The following EML4 variants were observed in gnomAD, a reference collection of about 807,000 sequenced individuals.
EML4 encodes the protein echinoderm microtubule-associated protein-like 4.
A neutral mutation model predicts 129.0 loss-of-function variants in EML4; 72 were observed. The observed-to-expected ratio is 0.56, with a 90% CI of 0.46 to 0.68. EML4 has a LOEUF of 0.68. Ranked by LOEUF, EML4 falls within the 30% of genes least tolerant of loss-of-function variation. The pLI, the probability that EML4 is intolerant of heterozygous loss-of-function variation, is 0.00. For synonymous variants in EML4, 532 were observed against 405.0 expected, an observed-to-expected ratio of 1.31 and a Z score of -3.77; for missense variants, 1,363 against 1,190.6, an observed-to-expected ratio of 1.14 and a Z score of -2.13.
intron 1 of EML4, among the ~76,000 whole-genome samples, chr2:42,243,493 C>G (rs552662822): frequency 6.6e-6 from 1 of 151,988 alleles, no homozygotes; most frequent in South Asian, 2.1e-4. Context: ...AACTTTTGTA[C>G]TTTGTACATA....
In EML4 at chr2:42,286,383, A is replaced by G; in HGVS notation, c.1122+4A>G. On this transcript the variant is annotated splice_donor_region_variant and intron_variant, in intron 10 of 22. Transcript: ENST00000318522. ...ATGCCTGGATTTTTCAAAAGCAGTA[A>G]GTAACAATTTTTAGAGAAGTAAGCA... The G allele has an allele frequency of 6.3e-7, 1 of 1,576,368 alleles. No homozygotes were observed. The highest frequency in any genetic ancestry group is 8.7e-7 in the Non-Finnish European group (1 of 1,145,546).
chr2:42,226,976 A>G (rs1674004795), intron 1 of EML4, among the ~76,000 whole-genome samples: 1 of 152,204 alleles, frequency 6.6e-6, no homozygotes, highest in Non-Finnish European at 1.5e-5. Context: ...ATCCCACAAA[A>G]TTTCCATGAA....
At chr2:42,263,110 G>T (rs1195634856) in intron 4 of EML4, 68 bp from the exon 5 acceptor site, 2 of 1,319,584 alleles carry the variant, frequency 1.5e-6, no homozygotes, top group Non-Finnish European at 2.1e-6. Flanking sequence ...TTTGTGTTCT[G>T]TTTAAATTGT....
At chr2:42,265,331 C>T (rs535762262) in intron 6 of EML4, among the ~76,000 whole-genome samples, 1 of 152,288 alleles carries the variant, frequency 6.6e-6, no homozygotes, top group African/African-American at 2.4e-5. Flanking sequence ...CTGCAAACTC[C>T]TGACCTCAGG....
At chr2:42,264,668 CTT>C in intron 5 of EML4, 36 bp from the exon 6 acceptor site, 1 of 1,208,724 alleles carries the variant, frequency 8.3e-7, no homozygotes, top group Non-Finnish European at 1.2e-6. Flanking sequence ...GCCATATAAA[CTT>C]ATAAAATAAA....
At chr2:42,327,562 G>T (rs1241481887) in intron 21 of EML4, among the ~76,000 whole-genome samples, 1 of 152,086 alleles carries the variant, frequency 6.6e-6, no homozygotes, top group Non-Finnish European at 1.5e-5. Context: ...GAAATACAAA[G>T]GCATTTTTAG....
At chr2:42,322,051 A>G (rs1250316371) in intron 19 of EML4, among the ~76,000 whole-genome samples, 1 of 152,258 alleles carries the variant, frequency 6.6e-6, no homozygotes, top group Non-Finnish European at 1.5e-5. Flanking sequence ...GTTCTAGTTC[A>G]TCTGAAATTT....
intron 2 of EML4, among the ~76,000 whole-genome samples, chr2:42,252,009 G>A (rs17029411): frequency 0.2 from 29,804 of 152,090 alleles, 3,643 homozygotes; most frequent in African/African-American, 0.35. Context: ...TTGAATGCCA[G>A]AAGAAGTTAG....
At chr2:42,316,257 A>C (rs910794588) in intron 18 of EML4, among the ~76,000 whole-genome samples, 2 of 152,374 alleles carry the variant, frequency 1.3e-5, no homozygotes, top group Non-Finnish European at 2.9e-5. Context: ...TGAATCATCA[A>C]ATTTAAAATG....
intron 1 of EML4, among the ~76,000 whole-genome samples, chr2:42,244,278 T>G (rs2104292939): frequency 6.6e-6 from 1 of 152,128 alleles, no homozygotes; most frequent in South Asian, 2.1e-4. Context: ...TTTTGTATTT[T>G]AATAGAGACT....
intron 6 of EML4, among the ~76,000 whole-genome samples, chr2:42,268,421 A>G (rs935835815): frequency 1.3e-5 from 2 of 152,092 alleles, no homozygotes; most frequent in African/African-American, 4.8e-5. Flanking sequence ...GGGACCAACT[A>G]TTTATTTCAT....
At chr2:42,241,316 C>T (rs1282829282) in intron 1 of EML4, among the ~76,000 whole-genome samples, 1 of 152,212 alleles carries the variant, frequency 6.6e-6, no homozygotes, top group East Asian at 1.9e-4. Context: ...GTGAGGAACT[C>T]TGGTGATAAC....
chr2:42,224,767 T>C (rs985347727), intron 1 of EML4, among the ~76,000 whole-genome samples: 2 of 152,150 alleles, frequency 1.3e-5, no homozygotes, highest in Non-Finnish European at 2.9e-5. Flanking sequence ...ATTATGATTT[T>C]TTATTGTTAT....
chr2:42,178,236 TCTTTA>T (rs559626801), intron 1 of EML4, among the ~76,000 whole-genome samples: 64 of 152,118 alleles, frequency 4.2e-4, no homozygotes, highest in Non-Finnish European at 7.1e-4. Context: ...GCAAATCAAT[TCTTTA>T]CTTTGAAAGA....
At chr2:42,311,910 A>G (rs192787435) in intron 17 of EML4, among the ~76,000 whole-genome samples, 1 of 152,302 alleles carries the variant, frequency 6.6e-6, no homozygotes, top group East Asian at 1.9e-4. Context: ...AGGTCTCGCT[A>G]CATTGACCAG....
chr2:42,246,347 T>A (rs1675400570), intron 2 of EML4, among the ~76,000 whole-genome samples: 1 of 152,208 alleles, frequency 6.6e-6, no homozygotes, highest in Admixed American at 6.5e-5. Flanking sequence ...TCATTTGATG[T>A]CTCTTACTGA....
intron 1 of EML4, among the ~76,000 whole-genome samples, chr2:42,197,390 A>G (rs1280630694): frequency 4.0e-5 from 6 of 151,714 alleles, no homozygotes; most frequent in Non-Finnish European, 8.8e-5. Context: ...AGAAAAATTG[A>G]TGTTGGTAAA....
At chr2:42,213,669 T>C (rs905808110) in intron 1 of EML4, among the ~76,000 whole-genome samples, 16 of 152,226 alleles carry the variant, frequency 1.1e-4, no homozygotes, top group African/African-American at 3.6e-4. Context: ...TATGAATCTT[T>C]CCTTGCTTCC....
chr2:42,272,264 A>G (rs937721788), intron 6 of EML4, among the ~76,000 whole-genome samples: 1 of 152,278 alleles, frequency 6.6e-6, no homozygotes, highest in South Asian at 2.1e-4. Flanking sequence ...GAAAAAGCAT[A>G]GTAAATCCTG....
Sources: gnomAD v4.1 joint callset for allele counts (sites outside exome capture counted in the v4.1 genomes callset) on GRCh38, gnomAD v4.1.1 for gene constraint, MANE v1.5 for transcripts, NCBI Gene and HGNC (gene_info 2026-07-23, HGNC 2026-07-21) for gene names.